TRIM2: variants seen among roughly 807,000 people sequenced by gnomAD.
TRIM2 encodes the protein tripartite motif-containing protein 2.
TRIM2 carries 20 observed loss-of-function variants against 75.2 expected under a neutral mutation model. The observed-to-expected ratio is 0.27, with a 90% CI of 0.19 to 0.39. The LOEUF (loss-of-function observed/expected upper bound fraction) is 0.39. Among genes scored for constraint, TRIM2 ranks in the 10% least tolerant of loss-of-function variants. The pLI is 1.00. For missense variants in TRIM2, 660 were observed against 990.8 expected (o/e 0.67, Z 4.48); for synonymous variants, 373 against 388.3 (o/e 0.96, Z 0.46).
rs564249549 is a variant in TRIM2 at position 153,284,736 on chromosome 4, A to G, written c.454-8246A>G. 8.1e-4 allele frequency among the ~76,000 whole-genome samples: 123 copies of G among 152,314 alleles called. 2 individuals carry two copies. In the South Asian group the frequency reaches 0.024, roughly 30 times the overall value. ...TCATGTGCTAATTGACCATTTGTAT[A>G]TCTTCTTTGGAGAAAGTCTATTCAA... On this transcript the variant is annotated intron_variant, in intron 3 of 11. Transcript: ENST00000338700.
intron 1 of TRIM2, among the ~76,000 whole-genome samples, chr4:153,255,301 A>G (rs1751801292): frequency 6.6e-6 from 1 of 152,252 alleles, no homozygotes; most frequent in African/African-American, 2.4e-5. Flanking sequence ...AAGCCCAGCA[A>G]CAAGACCAAA....
chr4:153,328,650 TG>T lies in TRIM2; in HGVS notation c.2147del (p.Gly716GlufsTer33). On this transcript the variant is annotated frameshift_variant, in exon 11 of 12. Coordinates refer to ENST00000338700, the MANE Select transcript of TRIM2 (RefSeq NM_015271.5). LOFTEE classifies it high-confidence loss of function. ...AAATGGAAACATCATTGTGGCCGACTGGGGAAACAGCAGGATCCAGGTAGAT... is the reference window on the plus strand; with the variant it reads ...AAATGGAAACATCATTGTGGCCGACTGGGAAACAGCAGGATCCAGGTAGAT... ...DSNGNIIVAD[W>X]GNSRIQVFDG... The T allele has an allele frequency of 6.2e-7, 1 of 1,612,446 alleles. No homozygotes were observed. Among genetic ancestry groups the T allele is most frequent in the Non-Finnish European group, 8.5e-7 (1 of 1,179,346 alleles).
intron 1 of TRIM2, among the ~76,000 whole-genome samples, chr4:153,171,840 C>CTTTTCTT (rs1730891091): frequency 8.7e-6 from 1 of 114,804 alleles, no homozygotes; most frequent in African/African-American, 3.5e-5. Flanking sequence ...CGTTTTGGGG[C>CTTTTCTT]TTTTTTTTTT....
In TRIM2 at chr4:153,335,932, T is replaced by G. The variant is rs1257822837; in HGVS notation, c.*966T>G. The stretch of plus-strand genomic sequence containing the variant: ...AGCCATAAGTAGCCCTTTGGAGGAC[T>G]GATGGTGTCAACCAAAGGCATGTGA... On this transcript the variant is annotated 3_prime_UTR_variant, in exon 12 of 12. Transcript: ENST00000338700. The G allele has an allele frequency of 6.1e-6, 6 of 985,738 alleles. No homozygotes were observed. Among genetic ancestry groups the G allele is most frequent in the Non-Finnish European group, 7.2e-6 (6 of 829,938 alleles). The allele number at this position is 985,738 out of a possible 1,614,324, so 61.1% of individuals were successfully genotyped here.
At chr4:153,320,884 G>T (rs961347012) in intron 8 of TRIM2, among the ~76,000 whole-genome samples, 7 of 152,088 alleles carry the variant, frequency 4.6e-5, no homozygotes, top group African/African-American at 1.7e-4. Flanking sequence ...CACCCACCTC[G>T]GCCTCCCAAA....
rs991791795 is a variant in TRIM2 at position 153,226,214 on chromosome 4, A to AT, written c.30+21656dup. On this transcript the variant is annotated intron_variant, in intron 1 of 11. Coordinates refer to ENST00000338700, the MANE Select transcript of TRIM2 (RefSeq NM_015271.5). The stretch of plus-strand genomic sequence containing the variant: ...CTCATCTTAATCCTTGAACAGAAAT[A>AT]TTCTCTCCCTAGAATTTTCAATATT... Among the ~76,000 whole-genome samples the AT allele has an allele frequency of 1.2e-4, 19 of 152,260 alleles. No individual in the cohort carries two copies. The East Asian group carries it at 3.7e-3, about 29-fold the overall frequency.
chr4:153,250,227 C>A (rs182676214), intron 1 of TRIM2, among the ~76,000 whole-genome samples: 1 of 152,056 alleles, frequency 6.6e-6, no homozygotes, highest in African/African-American at 2.4e-5. Context: ...TCAAGTGATT[C>A]TCCTGCCTCA....
At chr4:153,222,557 G>C (rs1740896551) in intron 1 of TRIM2, 1 of 152,128 alleles carries the variant, frequency 6.6e-6, no homozygotes, top group Non-Finnish European at 1.5e-5. Flanking sequence ...ATTAGCTGTC[G>C]TGCCGGGCCT....
chr4:153,300,714 A>G (rs932789184), intron 6 of TRIM2, among the ~76,000 whole-genome samples: 9 of 151,894 alleles, frequency 5.9e-5, no homozygotes, highest in African/African-American at 2.2e-4. Flanking sequence ...TAGTAGAGAC[A>G]GGGTTTCACC....
chr4:153,311,505 T>G (rs964311990), intron 6 of TRIM2, among the ~76,000 whole-genome samples: 1 of 152,110 alleles, frequency 6.6e-6, no homozygotes, highest in East Asian at 1.9e-4. Flanking sequence ...TCAGTGTTCA[T>G]CTATTCTGTT....
At chr4:153,309,330 G>C (rs1765731484) in intron 6 of TRIM2, among the ~76,000 whole-genome samples, 1 of 152,084 alleles carries the variant, frequency 6.6e-6, no homozygotes, top group Non-Finnish European at 1.5e-5. Context: ...AATGTGTCTA[G>C]CTTCAACTTT....
intron 1 of TRIM2, among the ~76,000 whole-genome samples, chr4:153,158,976 C>A (rs1483271231): frequency 6.6e-6 from 1 of 152,130 alleles, no homozygotes; most frequent in Admixed American, 6.6e-5. Context: ...AGGTGTGTGA[C>A]CTTGAGCAAT....
intron 1 of TRIM2, among the ~76,000 whole-genome samples, chr4:153,243,074 C>A (rs1747078289): frequency 2.0e-5 from 3 of 152,232 alleles, no homozygotes; most frequent in Admixed American, 6.5e-5. Flanking sequence ...TTTCCAACTT[C>A]AAACACACCT....
chr4:153,324,114 T>C lies in TRIM2; in HGVS notation c.1988T>C (p.Ile663Thr). ...HFAAVNSNNE[I>T]IITDFHNHSV... Reference sequence around the variant, plus strand: ...GCAGCTGTAAATAGCAATAATGAGATTATTATTACAGATTTCCATAATCAT... The same window carrying C: ...GCAGCTGTAAATAGCAATAATGAGACTATTATTACAGATTTCCATAATCAT... Residue 663 changes from isoleucine (I) to threonine (T), a missense_variant, in exon 10 of 12, where the codon ATT (isoleucine) becomes ACT (threonine). Ile to Thr is a moderately conservative substitution (Grantham distance 89). Transcript: ENST00000338700. The C allele has an allele frequency of 6.2e-7, 1 of 1,612,620 alleles. No individual in the cohort carries two copies. Among genetic ancestry groups the C allele is most frequent in the Non-Finnish European group, 8.5e-7 (1 of 1,179,594 alleles).
chr4:153,322,606 G>A, intron 8 of TRIM2, 42 bp from the exon 9 acceptor site: 1 of 1,589,682 alleles, frequency 6.3e-7, no homozygotes, highest in Non-Finnish European at 8.6e-7. Context: ...TTTAAACTTT[G>A]ACTCTATACT....
intron 1 of TRIM2, among the ~76,000 whole-genome samples, chr4:153,267,385 C>T (rs1272093346): frequency 6.6e-6 from 1 of 152,116 alleles, no homozygotes; most frequent in Non-Finnish European, 1.5e-5. Flanking sequence ...TAGTGTGACC[C>T]CTCATGCCTG....
At chr4:153,218,097 G>A (rs917999910) in intron 1 of TRIM2, among the ~76,000 whole-genome samples, 1 of 152,132 alleles carries the variant, frequency 6.6e-6, no homozygotes, top group South Asian at 2.1e-4. Flanking sequence ...AAGCAGTTGC[G>A]TACAAGAAAA....
chr4:153,219,200 C>T (rs1041933357), intron 1 of TRIM2, among the ~76,000 whole-genome samples: 8 of 152,092 alleles, frequency 5.3e-5, no homozygotes, highest in Non-Finnish European at 1.2e-4. Context: ...CAAAGAGGTG[C>T]ATTTCAGTTA....
intron 1 of TRIM2, among the ~76,000 whole-genome samples, chr4:153,228,246 A>G (rs1184206334): frequency 1.3e-5 from 2 of 151,882 alleles, no homozygotes; most frequent in Admixed American, 1.3e-4. Context: ...CATCCTTGTC[A>G]CTCCATTTCC....
Sources: allele counts gnomAD v4.1 joint callset (sites outside exome capture counted in the v4.1 genomes callset), GRCh38; gene constraint gnomAD v4.1.1; transcripts MANE v1.5; gene names NCBI Gene and HGNC (gene_info 2026-07-23, HGNC 2026-07-21).